Variants in HSDL2 observed in about 807,000 individuals in gnomAD.
HSDL2 encodes the protein hydroxysteroid dehydrogenase-like protein 2.
In HSDL2, 27 loss-of-function variants were observed where a neutral mutation model predicts 46.3. The observed-to-expected ratio is 0.58, with a 90% CI of 0.43 to 0.80. The LOEUF (loss-of-function observed/expected upper bound fraction) is 0.80, where lower values mean the gene tolerates loss of function less well. Ranked by LOEUF, HSDL2 falls within the 30% of genes least tolerant of loss-of-function variation. The pLI is 0.00. For missense variants in HSDL2, 451 were observed against 502.7 expected (o/e 0.90, Z 0.98); for synonymous variants, 153 against 163.6 (o/e 0.94, Z 0.50).
At chr9:112,395,262 C>G (rs1159254076) in intron 1 of HSDL2, among the ~76,000 whole-genome samples, 3 of 152,172 alleles carry the variant, frequency 2.0e-5, no homozygotes, top group Non-Finnish European at 4.4e-5. Flanking sequence ...CGGCACAGAT[C>G]TCACCAGGTA....
At chr9:112,444,941 G>A (rs1587959016) in intron 8 of HSDL2, among the ~76,000 whole-genome samples, 1 of 149,708 alleles carries the variant, frequency 6.7e-6, no homozygotes, top group Non-Finnish European at 1.5e-5. Context: ...GCAGTGGCTC[G>A]ATCATAGCCC....
At chr9:112,405,886 C>T (rs989057095) in intron 3 of HSDL2, among the ~76,000 whole-genome samples, 164 bp downstream of exon 3, 7 of 152,090 alleles carry the variant, frequency 4.6e-5, no homozygotes, top group Admixed American at 6.6e-5. Flanking sequence ...TAAGGCTGGG[C>T]GTGGTGGCTC....
chr9:112,401,707 G>A (rs761154127), intron 1 of HSDL2, among the ~76,000 whole-genome samples: 2 of 150,362 alleles, frequency 1.3e-5, no homozygotes, highest in Admixed American at 6.7e-5. Flanking sequence ...GGTAGTTTTC[G>A]TTCTGTGGGG....
intron 6 of HSDL2, among the ~76,000 whole-genome samples, chr9:112,434,714 C>T (rs1408517170): frequency 1.3e-5 from 2 of 152,160 alleles, no homozygotes; most frequent in Non-Finnish European, 2.9e-5. Context: ...GAAACAAGCT[C>T]TCTTCCCAGA....
chr9:112,420,810 A>G (rs1421734559), intron 6 of HSDL2, among the ~76,000 whole-genome samples: 1 of 152,212 alleles, frequency 6.6e-6, no homozygotes, highest in Non-Finnish European at 1.5e-5. Context: ...CATCATATAC[A>G]TTTCTGTTAC....
At chr9:112,405,345 C>T (rs1831701694) in intron 2 of HSDL2, among the ~76,000 whole-genome samples, 1 of 152,070 alleles carries the variant, frequency 6.6e-6, no homozygotes, top group South Asian at 2.1e-4. Flanking sequence ...GAGTGAGACC[C>T]TGTCTGAAAA....
intron 6 of HSDL2, among the ~76,000 whole-genome samples, chr9:112,435,190 A>G (rs190219372): frequency 6.6e-6 from 1 of 152,164 alleles, no homozygotes; most frequent in Non-Finnish European, 1.5e-5. Flanking sequence ...TGTTAAAGTA[A>G]TGATAGGTTG....
chr9:112,406,747 C>T (rs986791593), intron 3 of HSDL2, among the ~76,000 whole-genome samples: 8 of 152,172 alleles, frequency 5.3e-5, no homozygotes, highest in African/African-American at 9.7e-5. Context: ...GGATTACAGG[C>T]GTGAGCCACC....
chr9:112,445,895 A>C (rs10759564), intron 8 of HSDL2, among the ~76,000 whole-genome samples: 145,501 of 152,256 alleles, frequency 0.96, 69,588 homozygotes, highest in African/African-American at 0.98. Context: ...GAAATATCAT[A>C]TATCCCACAC....
intron 4 of HSDL2, among the ~76,000 whole-genome samples, chr9:112,409,622 C>T (rs1831813478): frequency 6.6e-6 from 1 of 152,040 alleles, no homozygotes; most frequent in Admixed American, 6.6e-5. Context: ...TATTGGAGGC[C>T]AGGAGATTGA....
Position 112,454,077 on chromosome 9 carries a change from G to A in HSDL2, c.930G>A (p.Val310=). ...AACCAAAACCACGTTCTGGAGCTGT[G>A]GAAGAAACATTTAGAATTGTTAAGG... ...QLQPKPRSGA[V]EETFRIVKDS... The change falls in exon 9 of 11, where the codon GTG becomes GTA. Residue 310 remains valine, a synonymous_variant. Coordinates refer to ENST00000398805, the MANE Select transcript of HSDL2 (RefSeq NM_032303.5). 6.2e-7 allele frequency: 1 copy of A among 1,613,942 alleles called. No individual in the cohort carries two copies.
At chr9:112,439,842 A>G (rs532425459) in intron 7 of HSDL2, among the ~76,000 whole-genome samples, 1 of 152,404 alleles carries the variant, frequency 6.6e-6, no homozygotes, top group African/African-American at 2.4e-5. Flanking sequence ...GCTCACTGCT[A>G]TGCAGCTTTG....
intron 7 of HSDL2, 120 bp from the exon 8 acceptor site, chr9:112,441,579 G>C: frequency 1.7e-6 from 1 of 604,504 alleles, no homozygotes; most frequent in African/African-American, 1.9e-5. Context: ...AGTTCTCACA[G>C]AGGCCTTTTC....
intron 1 of HSDL2, among the ~76,000 whole-genome samples, chr9:112,402,870 G>GGGA (rs898468337): frequency 6.6e-6 from 1 of 152,092 alleles, no homozygotes; most frequent in Admixed American, 6.5e-5. Flanking sequence ...GCTTGAACCC[G>GGGA]GGAGGCAGAG....
At chr9:112,394,040 G>T (rs1039022280) in intron 1 of HSDL2, among the ~76,000 whole-genome samples, 1 of 152,194 alleles carries the variant, frequency 6.6e-6, no homozygotes, top group Non-Finnish European at 1.5e-5. Flanking sequence ...TGCCGAAGAG[G>T]TAGAGGGGCA....
At chr9:112,469,193 A>G (rs1833489772) in intron 10 of HSDL2, among the ~76,000 whole-genome samples, 1 of 152,152 alleles carries the variant, frequency 6.6e-6, no homozygotes, top group Admixed American at 6.5e-5. Flanking sequence ...GCTTTGCTAT[A>G]ACCTCTATTT....
intron 1 of HSDL2, among the ~76,000 whole-genome samples, chr9:112,387,013 T>C (rs1232851815): frequency 2.6e-5 from 4 of 152,202 alleles, no homozygotes; most frequent in African/African-American, 7.2e-5. Context: ...CCTTATTGGA[T>C]CCTGATTTGA....
At chr9:112,429,714 T>C (rs148285506) in intron 6 of HSDL2, among the ~76,000 whole-genome samples, 2 of 152,096 alleles carry the variant, frequency 1.3e-5, no homozygotes, top group East Asian at 1.9e-4. Context: ...AAAGGTAATA[T>C]GCTATGAAAA....
chr9:112,448,952 T>C (rs1013466503), intron 8 of HSDL2, among the ~76,000 whole-genome samples: 5 of 152,172 alleles, frequency 3.3e-5, no homozygotes, highest in African/African-American at 1.2e-4. Flanking sequence ...TTTTATTCAA[T>C]TATAGGCTTT....
Sources: allele counts gnomAD v4.1 joint callset (sites outside exome capture counted in the v4.1 genomes callset), GRCh38; gene constraint gnomAD v4.1.1; transcripts MANE v1.5; gene names NCBI Gene and HGNC (gene_info 2026-07-23, HGNC 2026-07-21).